The following MICAL2 variants were observed in gnomAD, a reference collection of about 807,000 sequenced individuals.
MICAL2 encodes the protein microtubule associated monooxygenase, calponin and LIM domain containing 2, also known as [F-actin]-monooxygenase MICAL2.
In MICAL2, 77 loss-of-function variants were observed where a neutral mutation model predicts 127.3. The ratio of observed to expected loss-of-function variants is 0.60; its 90% CI spans 0.50 to 0.73. The LOEUF is 0.73. Among genes scored for constraint, MICAL2 ranks in the 30% least tolerant of loss-of-function variants. The pLI, the probability that MICAL2 is intolerant of heterozygous loss-of-function variation, is 0.00. For synonymous variants in MICAL2, 570 were observed against 551.1 expected, an observed-to-expected ratio of 1.03 and a Z score of -0.48; for missense variants, 1,351 against 1,434.4, an observed-to-expected ratio of 0.94 and a Z score of 0.94.
At chr11:12,298,595 T>C (rs1166126201) in intron 29 of MICAL2, among the ~76,000 whole-genome samples, 1 of 152,194 alleles carries the variant, frequency 6.6e-6, no homozygotes, top group African/African-American at 2.4e-5. Context: ...GCTGGTGTTT[T>C]TCCCAGTTAA....
chr11:12,192,067 A>G (rs1031421723), intron 3 of MICAL2, among the ~76,000 whole-genome samples: 11 of 140,162 alleles, frequency 7.8e-5, no homozygotes, highest in African/African-American at 2.5e-4. Flanking sequence ...CCGCCACCCA[A>G]AACCCACCAA....
intron 24 of MICAL2, among the ~76,000 whole-genome samples, chr11:12,258,056 G>A (rs1862567360): frequency 6.6e-6 from 1 of 152,168 alleles, no homozygotes; most frequent in Non-Finnish European, 1.5e-5. Flanking sequence ...TTTGATTTGG[G>A]GATTTTTTTT....
intron 1 of MICAL2, among the ~76,000 whole-genome samples, chr11:12,125,267 T>A (rs1850822037): frequency 1.3e-5 from 2 of 152,260 alleles, no homozygotes; most frequent in Non-Finnish European, 2.9e-5. Flanking sequence ...GTACATCTTT[T>A]TTTTGAGACG....
In MICAL2 at chr11:12,134,525, G is replaced by C. The variant is rs1039268585; in HGVS notation, c.-148-3865G>C. ...CAGTGGCCTCCCCTCACTTCAGTCTGTAGATACCTTGCTGTACATATTTGC... is the reference window on the plus strand; with the variant it reads ...CAGTGGCCTCCCCTCACTTCAGTCTCTAGATACCTTGCTGTACATATTTGC... On this transcript the variant is annotated intron_variant, in intron 1 of 27. Transcript: ENST00000683283. Among the ~76,000 whole-genome samples the C allele has an allele frequency of 2.0e-5, 3 of 152,182 alleles. No individual in the cohort carries two copies. The East Asian group carries it at 5.8e-4, about 29-fold the overall frequency.
upstream of MICAL2, among the ~76,000 whole-genome samples, chr11:12,273,330 A>C (rs1385182893): frequency 6.6e-6 from 1 of 152,216 alleles, no homozygotes; most frequent in Non-Finnish European, 1.5e-5. Context: ...AATAAAAGTA[A>C]GCTGCTACTG....
At chr11:12,335,201 CA>C (rs772760875) in intron 32 of MICAL2, among the ~76,000 whole-genome samples, 2 of 150,788 alleles carry the variant, frequency 1.3e-5, no homozygotes, top group Non-Finnish European at 2.9e-5. Flanking sequence ...CTCTGATGGC[CA>C]GTGATGATGA....
intron 30 of MICAL2, among the ~76,000 whole-genome samples, chr11:12,321,287 G>T (rs1316092857): frequency 1.3e-5 from 2 of 152,088 alleles, no homozygotes; most frequent in Non-Finnish European, 2.9e-5. Context: ...AGTTCTCGAG[G>T]GCTCACACTG....
chr11:12,161,135 C>T (rs1295190820), intron 2 of MICAL2, among the ~76,000 whole-genome samples: 2 of 152,204 alleles, frequency 1.3e-5, no homozygotes, highest in African/African-American at 4.8e-5. Context: ...TTTTCTTGTG[C>T]CAGCTTTGGA....
rs137883361 is a variant in MICAL2 at position 12,224,287 on chromosome 11, C to T, written c.1541-386C>T. 4.5e-3 allele frequency among the ~76,000 whole-genome samples: 680 copies of T among 152,316 alleles called. 2 individuals carry two copies. The highest frequency in any genetic ancestry group is 7.6e-3 in the Non-Finnish European group (520 of 68,026). On this transcript the variant is annotated intron_variant, in intron 12 of 27. Transcript: ENST00000683283. Reference sequence around the variant, plus strand: ...ACACTTTTCTTTGGAGAATTCCCCTCCCAGCGCAGACTCAGGCAAACCTGC... The same window carrying T: ...ACACTTTTCTTTGGAGAATTCCCCTTCCAGCGCAGACTCAGGCAAACCTGC...
In MICAL2 at chr11:12,268,972, C is replaced by T. The variant is rs2134747980; in HGVS notation, c.3335-7014C>T. ...CAAGATTGTGCCACTGCACTCCAGCCTCGGCGACGAGCGAGACTCCGTCTC... is the reference window on the plus strand; with the variant it reads ...CAAGATTGTGCCACTGCACTCCAGCTTCGGCGACGAGCGAGACTCCGTCTC... On this transcript the variant is annotated intron_variant, in intron 24 of 34. Transcript: ENST00000646065. 1.3e-5 allele frequency among the ~76,000 whole-genome samples: 2 copies of T among 152,234 alleles called. 1 individual carries two copies. The highest frequency in any genetic ancestry group is 4.8e-5 in the African/African-American group (2 of 41,548).
intron 3 of MICAL2, among the ~76,000 whole-genome samples, chr11:12,200,468 C>T (rs548473256): frequency 6.6e-6 from 1 of 152,320 alleles, no homozygotes; most frequent in Admixed American, 6.5e-5. Flanking sequence ...GGGCACGTGG[C>T]TGCCATGGTA....
chr11:12,116,453 G>T (rs144642791), intron 1 of MICAL2, among the ~76,000 whole-genome samples: 2,320 of 147,634 alleles, frequency 0.016, 24 homozygotes, highest in Non-Finnish European at 0.024. Context: ...AAAGTTCCAC[G>T]CTCCAGTGGC....
chr11:12,160,682 AC>A (rs2133794566), intron 2 of MICAL2, among the ~76,000 whole-genome samples: 1 of 151,840 alleles, frequency 6.6e-6, no homozygotes, highest in East Asian at 1.9e-4. Context: ...GCCCCTCTGG[AC>A]TCCTCGAGGC....
chr11:12,292,040 T>C (rs1012739480), downstream of MICAL2: 6 of 1,382,604 alleles, frequency 4.3e-6, no homozygotes, highest in Non-Finnish European at 5.9e-6. Context: ...GACATCTTCC[T>C]CTTTCTGACT....
At position 12,161,124 on chromosome 11, in the gene MICAL2, GT is replaced by G. The variant is rs1854734782; in HGVS notation, c.-77-951del. Among the ~76,000 whole-genome samples the G allele has an allele frequency of 1.3e-5, 2 of 152,212 alleles. 1 individual carries two copies. The highest frequency in any genetic ancestry group is 4.1e-4 in the South Asian group (2 of 4,838). The stretch of plus-strand genomic sequence containing the variant: ...GGTCAGCCCCAGCTCCTCCACATTT[GT>G]TTTCTTGTGCCAGCTTTGGATTCTG... On this transcript the variant is annotated intron_variant, in intron 2 of 27. Transcript: ENST00000683283.
chr11:12,262,042 G>A, intron 26 of MICAL2: 1 of 1,061,058 alleles, frequency 9.4e-7, no homozygotes. Context: ...TAAGGAGACT[G>A]GTTTGAATTA....
chr11:12,133,707 GC>G (rs929253654), intron 1 of MICAL2, among the ~76,000 whole-genome samples: 1 of 152,066 alleles, frequency 6.6e-6, no homozygotes, highest in Non-Finnish European at 1.5e-5. Flanking sequence ...GGCAAATCTT[GC>G]CCTCAAGAGC....
At chr11:12,218,937 G>A (rs1262714454) in intron 8 of MICAL2, among the ~76,000 whole-genome samples, 1 of 152,196 alleles carries the variant, frequency 6.6e-6, no homozygotes, top group African/African-American at 2.4e-5. Context: ...CAGGGGACAG[G>A]AATTCCCATT....
rs202072260 is a variant in MICAL2 at position 12,226,651 on chromosome 11, GTTTTTT to G, written c.1888+295_1888+300del. Among the ~76,000 whole-genome samples the G allele has an allele frequency of 3.2e-5, 4 of 126,370 alleles. No individual in the cohort carries two copies. In the East Asian group the frequency reaches 9.1e-4, roughly 29 times the overall value. The allele number at this position is 126,370 out of a possible 152,430, so 82.9% of individuals were successfully genotyped here. A position where few individuals can be genotyped will look rare whatever the true frequency, so the allele number is the denominator to read the frequency against. On this transcript the variant is annotated intron_variant, in intron 14 of 27. Transcript: ENST00000683283. ...TTTGTTTTTTTGTTGTTTGTTTTTGGTTTTTTTTTTTTTTTTTTTGAGAGGGAGTCT... is the reference window on the plus strand; with the variant it reads ...TTTGTTTTTTTGTTGTTTGTTTTTGGTTTTTTTTTTTTTGAGAGGGAGTCT...
Sources: gnomAD v4.1 joint callset for allele counts (sites outside exome capture counted in the v4.1 genomes callset) on GRCh38, gnomAD v4.1.1 for gene constraint, MANE v1.5 for transcripts, NCBI Gene and HGNC (gene_info 2026-07-23, HGNC 2026-07-21) for gene names.